Variants in ANKRD28 observed in about 807,000 individuals in gnomAD.
The protein encoded by ANKRD28 is ankyrin repeat domain 28, also known as serine/threonine-protein phosphatase 6 regulatory ankyrin repeat subunit A.
Under a neutral mutation model 126.5 loss-of-function variants are expected in ANKRD28, and 44 were observed. The observed-to-expected ratio is 0.35, with a 90% CI of 0.27 to 0.45. The LOEUF is 0.45. Among genes scored for constraint, ANKRD28 ranks in the 20% least tolerant of loss-of-function variants. The pLI is 1.00. For missense variants in ANKRD28, 1,110 were observed against 1,316.6 expected, an observed-to-expected ratio of 0.84 and a Z score of 2.43; for synonymous variants, 442 against 468.5, an observed-to-expected ratio of 0.94 and a Z score of 0.73.
At position 15,796,923 on chromosome 3, in the gene ANKRD28, T is replaced by C; in HGVS notation, c.-402A>G. ...TTTGGTGACACAACACCACACAATATAGAATGAAATGAGAAACAACTGCTG... is the reference window on the plus strand; with the variant it reads ...TTTGGTGACACAACACCACACAATACAGAATGAAATGAGAAACAACTGCTG... On this transcript the variant is annotated 5_prime_UTR_variant, in exon 1 of 28. Coordinates refer to ENST00000683139, the MANE Select transcript of ANKRD28 (RefSeq NM_001349278.2). 1.0e-6 allele frequency: 1 copy of C among 985,866 alleles called. No individual in the cohort carries two copies. Among genetic ancestry groups the C allele is most frequent in the Non-Finnish European group, 1.2e-6 (1 of 830,266 alleles). The allele number at this position is 985,866 out of a possible 1,614,324, so 61.1% of individuals were successfully genotyped here.
At chr3:15,676,683 C>T in intron 26 of ANKRD28, 2 of 241,528 alleles carry the variant, frequency 8.3e-6, no homozygotes, top group Non-Finnish European at 1.6e-5. Flanking sequence ...AGTTGATTTC[C>T]ACAGAATACA....
At position 15,720,918 on chromosome 3, in the gene ANKRD28, C is replaced by G; in HGVS notation, c.993G>C (p.Met331Ile). 1.9e-6 allele frequency: 3 copies of G among 1,612,814 alleles called. No individual in the cohort carries two copies. The highest frequency in any genetic ancestry group is 2.5e-6 in the Non-Finnish European group (3 of 1,179,320). The change falls in exon 8 of 28, where the codon ATG (methionine) becomes ATC (isoleucine). Residue 331 changes from methionine (M) to isoleucine (I), a missense_variant. Transcript: ENST00000683139. ...AGATTCTGATTTTGTTCCTTACCTTCATATTGACATCGGCCCCATTGCCAA... is the reference window on the plus strand; with the variant it reads ...AGATTCTGATTTTGTTCCTTACCTTGATATTGACATCGGCCCCATTGCCAA... ...LLVGNGADVN[M>I]KSKDGKTPLH...
intron 4 of ANKRD28, among the ~76,000 whole-genome samples, chr3:15,742,994 G>A (rs372666308): frequency 1.3e-5 from 2 of 151,644 alleles, no homozygotes; most frequent in South Asian, 2.1e-4. Context: ...TGTAGAAAGA[G>A]GTAGACATGG....
At position 15,830,914 on chromosome 3, in the gene ANKRD28, A is replaced by G. The variant is rs538444096; in HGVS notation, c.27+28463T>C. Among the ~76,000 whole-genome samples, 1 of 152,138 alleles carries G rather than the reference A, an allele frequency of 6.6e-6. No homozygotes were observed. Among genetic ancestry groups the G allele is most frequent in the South Asian group, 2.1e-4 (1 of 4,806 alleles). ...TACCTATGTGACTGACTTCTCAATA[A>G]AAACTCTGGACAGCAAACCTCACGT... On this transcript the variant is annotated intron_variant, in intron 1 of 27. Coordinates refer to the ANKRD28 transcript ENST00000399451. The surrounding 1 kb of genome is among the most constrained non-coding windows in gnomAD (Gnocchi z 4.5).
chr3:15,708,248 G>A (rs2071734336), intron 13 of ANKRD28, among the ~76,000 whole-genome samples, 184 bp from the exon 14 acceptor site: 1 of 152,204 alleles, frequency 6.6e-6, no homozygotes, highest in African/African-American at 2.4e-5. Context: ...AGGTGGCAGA[G>A]AACCTTTAAG....
intron 16 of ANKRD28, among the ~76,000 whole-genome samples, 187 bp from the exon 17 acceptor site, chr3:15,695,000 G>C (rs2069330403): frequency 6.6e-6 from 1 of 152,072 alleles, no homozygotes; most frequent in African/African-American, 2.4e-5. Flanking sequence ...TAAGAGTTTG[G>C]GGGAAATGCT....
intron 21 of ANKRD28, among the ~76,000 whole-genome samples, chr3:15,681,277 T>C (rs2125707678): frequency 6.6e-6 from 1 of 152,328 alleles, no homozygotes; most frequent in East Asian, 1.9e-4. Context: ...AGTCTGTACA[T>C]GTTCAGCCTA....
At chr3:15,671,287 G>C (rs894920594) in intron 27 of ANKRD28, among the ~76,000 whole-genome samples, 3 of 152,100 alleles carry the variant, frequency 2.0e-5, no homozygotes, top group Non-Finnish European at 4.4e-5. Context: ...GGAAACATTT[G>C]GTACCTCAGT....
chr3:15,796,179 A>G (rs1412548453), intron 1 of ANKRD28, among the ~76,000 whole-genome samples: 2 of 152,162 alleles, frequency 1.3e-5, no homozygotes, highest in Non-Finnish European at 2.9e-5. Flanking sequence ...ACAGTCTTTT[A>G]AAGAGATTAA....
intron 27 of ANKRD28, among the ~76,000 whole-genome samples, chr3:15,671,966 AT>A (rs560149184): frequency 8.9e-4 from 135 of 152,222 alleles, no homozygotes; most frequent in Non-Finnish European, 1.5e-3. Context: ...TTTGTGTAGC[AT>A]TATATGAAAT....
At chr3:15,763,680 C>T (rs2058604493) in intron 3 of ANKRD28, among the ~76,000 whole-genome samples, 1 of 152,054 alleles carries the variant, frequency 6.6e-6, no homozygotes. Flanking sequence ...GCTAAGGAAA[C>T]AGCAGTGCGA....
intron 1 of ANKRD28, among the ~76,000 whole-genome samples, chr3:15,805,888 C>T (rs1052787423): frequency 3.3e-5 from 5 of 152,052 alleles, no homozygotes; most frequent in South Asian, 4.1e-4. Context: ...AGTGTACATT[C>T]GTTATTTCAC....
intron 1 of ANKRD28, among the ~76,000 whole-genome samples, chr3:15,829,652 T>A (rs1280899809): frequency 6.6e-6 from 1 of 152,152 alleles, no homozygotes; most frequent in Non-Finnish European, 1.5e-5. Context: ...TGATATACAA[T>A]ATCAAAAGTC....
At chr3:15,707,263 A>C (rs966813722) in intron 14 of ANKRD28, among the ~76,000 whole-genome samples, 1 of 152,178 alleles carries the variant, frequency 6.6e-6, no homozygotes, top group African/African-American at 2.4e-5. Flanking sequence ...AAGAAGAAAA[A>C]AAAAATATGT....
chr3:15,760,880 A>T (rs1206615446), intron 3 of ANKRD28, among the ~76,000 whole-genome samples: 1 of 152,224 alleles, frequency 6.6e-6, no homozygotes, highest in Admixed American at 6.5e-5. Flanking sequence ...AGAACTCTCC[A>T]TTGGTTTTCC....
exon 1 of ANKRD28, chr3:15,859,483 G>C (rs1218376346): frequency 2.3e-6 from 3 of 1,316,154 alleles, no homozygotes; most frequent in Non-Finnish European, 3.1e-6. Flanking sequence ...CACTGCTCCC[G>C]CCCCAGTAGC....
rs776141410 is a variant in ANKRD28 at position 15,847,968 on chromosome 3, G to A, written c.27+11409C>T. ...TGATTTGGCCCTTATCTCCAACAGG[G>A]TCATTTCTTCTCACTTCAAGTCCTC... On this transcript the variant is annotated intron_variant, in intron 1 of 27. Transcript: ENST00000399451. Among the ~76,000 whole-genome samples, 4 of 152,144 alleles carry A rather than the reference G, an allele frequency of 2.6e-5. No homozygotes were observed. In the South Asian group the frequency reaches 8.3e-4, roughly 32 times the overall value.
chr3:15,848,610 G>A (rs1218206546), intron 1 of ANKRD28, among the ~76,000 whole-genome samples: 1 of 151,934 alleles, frequency 6.6e-6, no homozygotes. Flanking sequence ...AGGAGGTCTA[G>A]GCTGCAAGTA....
At chr3:15,808,803 C>T (rs1471395519) in intron 1 of ANKRD28, among the ~76,000 whole-genome samples, 1 of 152,152 alleles carries the variant, frequency 6.6e-6, no homozygotes, top group Non-Finnish European at 1.5e-5. Flanking sequence ...TGCAATCTAG[C>T]TTTCCACCAA....
Sources: gnomAD v4.1 joint callset for allele counts (sites outside exome capture counted in the v4.1 genomes callset) on GRCh38, gnomAD v4.1.1 for gene constraint, Gnocchi (gnomAD v3.1) non-coding constraint, MANE v1.5 for transcripts, NCBI Gene and HGNC (gene_info 2026-07-23, HGNC 2026-07-21) for gene names.